Variants in KIR3DL1 observed in about 807,000 individuals in gnomAD.
KIR3DL1 encodes the protein killer cell immunoglobulin like receptor, three Ig domains and long cytoplasmic tail 1, also known as killer cell immunoglobulin-like receptor 3DL1.
Under a neutral mutation model 40.3 loss-of-function variants are expected in KIR3DL1, and 50 were observed. The observed-to-expected ratio is 1.24, with a 90% confidence interval of 0.99 to 1.57. The LOEUF is 1.57. KIR3DL1 is among the 40% of genes most tolerant of loss of function. The pLI is 0.00. For synonymous variants in KIR3DL1, 257 were observed against 207.2 expected, an observed-to-expected ratio of 1.24 and a Z score of -2.07; for missense variants, 661 against 559.9, an observed-to-expected ratio of 1.18 and a Z score of -1.82.
exon 6 of KIR3DL1, chr19:54,825,028 G>A (rs1304651125): frequency 4.6e-6 from 7 of 1,506,128 alleles, no homozygotes; most frequent in East Asian, 4.5e-5. Flanking sequence ...CATGTTCTAG[G>A]AAACCCTTCA....
At chr19:54,828,612 C>G (rs1403358193) in intron 6 of KIR3DL1, among the ~76,000 whole-genome samples, 10 of 150,674 alleles carry the variant, frequency 6.6e-5, no homozygotes, top group African/African-American at 9.9e-5. Flanking sequence ...GTTTTGTACC[C>G]TGGAGCCACA....
intron 6 of KIR3DL1, among the ~76,000 whole-genome samples, chr19:54,826,831 G>A (rs1172142525): frequency 6.6e-6 from 1 of 151,390 alleles, no homozygotes; most frequent in Non-Finnish European, 1.5e-5. Context: ...CTGAAATGCT[G>A]GGAATGAGGT....
At chr19:54,829,530 C>G in intron 7 of KIR3DL1, 65 bp downstream of exon 7, 1 of 1,234,896 alleles carries the variant, frequency 8.1e-7, no homozygotes, top group Non-Finnish European at 1.1e-6. Context: ...TGGGAGCACA[C>G]AGCTGTGTGT....
At chr19:54,825,313 G>A (rs1450069547) in intron 6 of KIR3DL1, among the ~76,000 whole-genome samples, 1 of 150,870 alleles carries the variant, frequency 6.6e-6, no homozygotes, top group Non-Finnish European at 1.5e-5. Flanking sequence ...AAGAATGATT[G>A]CCAATCTGAC....
At chr19:54,830,719 T>C (rs1569476374) in exon 9 of KIR3DL1, 2 of 207,702 alleles carry the variant, frequency 9.6e-6, no homozygotes, top group Non-Finnish European at 1.9e-5. Flanking sequence ...GTGAAACTTA[T>C]AAAATTTTTT....
chr19:54,818,240 A>T (rs2061447606), intron 2 of KIR3DL1, 75 bp from the exon 3 acceptor site: 10 of 1,501,706 alleles, frequency 6.7e-6, no homozygotes, highest in Middle Eastern at 1.9e-4. Flanking sequence ...GGAAATGGGG[A>T]GAATCTTCTG....
chr19:54,824,612 G>T (rs574321352), intron 5 of KIR3DL1, among the ~76,000 whole-genome samples: 1 of 151,440 alleles, frequency 6.6e-6, no homozygotes, highest in East Asian at 1.9e-4. Flanking sequence ...GGAAGTGGAG[G>T]TTGCATTGAG....
intron 6 of KIR3DL1, among the ~76,000 whole-genome samples, chr19:54,825,375 G>A (rs1795450041): frequency 6.6e-6 from 1 of 150,620 alleles, no homozygotes; most frequent in Non-Finnish European, 1.5e-5. Flanking sequence ...CCTAACTGGA[G>A]GATAAATTCC....
exon 9 of KIR3DL1, chr19:54,830,415 A>G: frequency 9.6e-7 from 1 of 1,043,296 alleles, no homozygotes; most frequent in Non-Finnish European, 1.4e-6. Flanking sequence ...TCCTCACGCC[A>G]CAAATCTGGT....
At chr19:54,817,221 C>G (rs1186625117) in intron 1 of KIR3DL1, among the ~76,000 whole-genome samples, 1 of 145,376 alleles carries the variant, frequency 6.9e-6, no homozygotes, top group Non-Finnish European at 1.5e-5. Flanking sequence ...GAGATAGGAG[C>G]CTGGAGTGGA....
chr19:54,821,124 G>T (rs1194068759), intron 4 of KIR3DL1, among the ~76,000 whole-genome samples: 1 of 150,080 alleles, frequency 6.7e-6, no homozygotes, highest in South Asian at 2.2e-4. Context: ...GATAATAGAT[G>T]ATTGATGGAT....
exon 4 of KIR3DL1, chr19:54,819,920 C>T (rs201764224): frequency 3.7e-6 from 6 of 1,612,108 alleles, no homozygotes; most frequent in Middle Eastern, 1.7e-4. Context: ...ATGATGCTTG[C>T]CCTTGCAGGG....
At chr19:54,817,497 C>G in intron 1 of KIR3DL1, 37 bp from the exon 2 acceptor site, 1 of 1,469,052 alleles carries the variant, frequency 6.8e-7, no homozygotes, top group Non-Finnish European at 9.3e-7. Flanking sequence ...CCTGGTTTGC[C>G]TGCAGAGGGA....
Position 54,825,129 on chromosome 19 carries a change from A to G in KIR3DL1, c.1000+51A>G, listed in dbSNP as rs955087958. On this transcript the variant is annotated intron_variant, in intron 6 of 8. Coordinates refer to ENST00000391728, the Ensembl canonical transcript of KIR3DL1. Reference sequence around the variant, plus strand: ...TGCTTTTGGAAACCTGGGGAGGTGGAAGCCTTGGATGCAAGTGTTGGCTCA... The same window carrying G: ...TGCTTTTGGAAACCTGGGGAGGTGGGAGCCTTGGATGCAAGTGTTGGCTCA... 26 of 1,230,428 alleles carry G rather than the reference A, an allele frequency of 2.1e-5. 1 individual carries two copies. The Middle Eastern group carries it at 5.5e-4, about 26-fold the overall frequency. The allele number at this position is 1,230,428 out of a possible 1,614,324, so 76.2% of individuals were successfully genotyped here.
rs45538633 is a variant in KIR3DL1, at chr19:54,829,614, C to G, written c.1105+149C>G. 9.4e-6 allele frequency: 7 copies of G among 748,432 alleles called. 1 individual carries two copies. The South Asian group carries it at 1.4e-4, about 15-fold the overall frequency. The allele number at this position is 748,432 out of a possible 1,614,324, so 46.4% of individuals were successfully genotyped here. On this transcript the variant is annotated intron_variant, in intron 7 of 8. Coordinates refer to ENST00000391728, the Ensembl canonical transcript of KIR3DL1. Reference sequence around the variant, plus strand: ...AGGACTTTCTAGAGAGAGCACCAGACTCCCTGCCCCTGCCTTCAGCTCACA... The same window carrying G: ...AGGACTTTCTAGAGAGAGCACCAGAGTCCCTGCCCCTGCCTTCAGCTCACA...
rs1289485359 is a variant in KIR3DL1 at position 54,820,531 on chromosome 19, C to T, written c.655+519C>T. ...GATATCATGGCCCCTGAACACCAAC[C>T]CCTGTATGCTGTGTGAACTTGGGGT... On this transcript the variant is annotated intron_variant, in intron 4 of 8. Transcript: ENST00000391728. Among the ~76,000 whole-genome samples the T allele has an allele frequency of 1.3e-5, 2 of 151,336 alleles. 1 individual carries two copies. The highest frequency in any genetic ancestry group is 4.9e-5 in the African/African-American group (2 of 40,922).
At chr19:54,818,463 C>A (rs568050080) in exon 3 of KIR3DL1, 2 of 1,608,534 alleles carry the variant, frequency 1.2e-6, no homozygotes, top group South Asian at 2.2e-5. Flanking sequence ...TCTTCCATGG[C>A]AGAATATTCC....
chr19:54,821,124 G>A (rs1194068759), intron 4 of KIR3DL1, among the ~76,000 whole-genome samples: 2 of 150,080 alleles, frequency 1.3e-5, no homozygotes. Context: ...GATAATAGAT[G>A]ATTGATGGAT....
At chr19:54,818,361 G>T in exon 3 of KIR3DL1, 1 of 1,605,554 alleles carries the variant, frequency 6.2e-7, no homozygotes. Context: ...GCGCTGTGGT[G>T]CCTCGAGGAG....
Sources: allele counts gnomAD v4.1 joint callset (sites outside exome capture counted in the v4.1 genomes callset), GRCh38; gene constraint gnomAD v4.1.1; transcripts MANE v1.5; gene names NCBI Gene and HGNC (gene_info 2026-07-23, HGNC 2026-07-21).